Variants in SOX5 observed in about 807,000 individuals in gnomAD.
SOX5 encodes the protein SRY-box transcription factor 5.
Under a neutral mutation model 92.0 loss-of-function variants are expected in SOX5, and 9 were observed. The observed-to-expected ratio is 0.10, with a 90% CI of 0.06 to 0.17. The LOEUF (loss-of-function observed/expected upper bound fraction) is 0.17, where lower values mean the gene tolerates loss of function less well. Among genes scored for constraint, SOX5 ranks in the 10% least tolerant of loss-of-function variants. The probability of loss-of-function intolerance (pLI) is 1.00; values close to 1 mark genes in which losing one functional copy is unlikely to be tolerated. For synonymous variants in SOX5, 344 were observed against 336.3 expected (o/e 1.02, Z -0.25); for missense variants, 642 against 944.5 (o/e 0.68, Z 4.20).
intron 3 of SOX5, among the ~76,000 whole-genome samples, chr12:23,799,878 T>C (rs997946283): frequency 6.6e-6 from 1 of 152,048 alleles, no homozygotes; most frequent in Admixed American, 6.6e-5. Context: ...TGTGAAGATT[T>C]AGAGTTAGAC....
At chr12:23,777,493 T>C (rs2095141232) in intron 3 of SOX5, among the ~76,000 whole-genome samples, 1 of 152,188 alleles carries the variant, frequency 6.6e-6, no homozygotes, top group South Asian at 2.1e-4. Flanking sequence ...TTCAGACTCT[T>C]TTTGGGTACA....
chr12:23,921,747 T>TA (rs1315346108), intron 1 of SOX5, among the ~76,000 whole-genome samples: 1 of 152,198 alleles, frequency 6.6e-6, no homozygotes, highest in Non-Finnish European at 1.5e-5. Context: ...CCAGCCTTCT[T>TA]ACAATCTTAC....
At chr12:24,380,235 G>T (rs1196084942) in intron 1 of SOX5, among the ~76,000 whole-genome samples, 1 of 152,172 alleles carries the variant, frequency 6.6e-6, no homozygotes, top group Non-Finnish European at 1.5e-5. Context: ...CTATCTATCC[G>T]CCCAAAGTTG....
intron 3 of SOX5, among the ~76,000 whole-genome samples, chr12:24,228,816 C>T (rs1036676158): frequency 2.0e-5 from 3 of 152,192 alleles, no homozygotes; most frequent in Admixed American, 1.3e-4. Context: ...GTGTGTGCGG[C>T]ACTGGCTGCT....
At chr12:24,293,002 T>C (rs942887220) in intron 2 of SOX5, among the ~76,000 whole-genome samples, 2 of 152,274 alleles carry the variant, frequency 1.3e-5, no homozygotes, top group South Asian at 2.1e-4. Context: ...AACATATCCA[T>C]AGTGACTATA....
intron 3 of SOX5, among the ~76,000 whole-genome samples, chr12:24,265,709 A>T (rs1479881009): frequency 5.3e-5 from 8 of 152,224 alleles, no homozygotes; most frequent in African/African-American, 1.9e-4. Context: ...ATAATCCTAT[A>T]TAGTGTAGGT....
At chr12:24,104,646 TTCCCA>T (rs1380010328) in intron 4 of SOX5, among the ~76,000 whole-genome samples, 37 of 152,314 alleles carry the variant, frequency 2.4e-4, no homozygotes, top group African/African-American at 8.4e-4. Flanking sequence ...CTATTCTGCT[TTCCCA>T]TCAGTACATG....
chr12:23,993,961 A>G (rs1375560768), intron 4 of SOX5, among the ~76,000 whole-genome samples: 3 of 151,930 alleles, frequency 2.0e-5, no homozygotes, highest in African/African-American at 7.3e-5. Flanking sequence ...ACATAAATAA[A>G]TAAATAGCTG....
chr12:23,926,166 C>T (rs773478257), intron 1 of SOX5, among the ~76,000 whole-genome samples: 1 of 152,028 alleles, frequency 6.6e-6, no homozygotes, highest in Non-Finnish European at 1.5e-5. Flanking sequence ...AGATGTACTC[C>T]TCACATTTTT....
chr12:23,903,468 G>A (rs530377200), intron 1 of SOX5, among the ~76,000 whole-genome samples: 53 of 152,246 alleles, frequency 3.5e-4, no homozygotes, highest in Non-Finnish European at 5.3e-4. Context: ...CCTGTAGTGC[G>A]AGCAACTCAG....
At chr12:23,712,581 G>T (rs1317669822) in intron 6 of SOX5, among the ~76,000 whole-genome samples, 1 of 152,154 alleles carries the variant, frequency 6.6e-6, no homozygotes, top group Non-Finnish European at 1.5e-5. Flanking sequence ...TACAAATGAA[G>T]AAAGTAGACC....
intron 1 of SOX5, among the ~76,000 whole-genome samples, chr12:24,437,066 T>G (rs763264557): frequency 2.0e-5 from 3 of 152,198 alleles, no homozygotes; most frequent in Non-Finnish European, 2.9e-5. Flanking sequence ...ACAATGCACT[T>G]GGTCACCCAA....
At chr12:24,024,791 T>C (rs2136737307) in intron 4 of SOX5, among the ~76,000 whole-genome samples, 1 of 152,120 alleles carries the variant, frequency 6.6e-6, no homozygotes, top group Admixed American at 6.6e-5. Context: ...TAACTCTGAG[T>C]ACTCAGAATT....
chr12:23,951,776 C>CA (rs1395665865), upstream of SOX5, among the ~76,000 whole-genome samples: 1 of 151,948 alleles, frequency 6.6e-6, no homozygotes, highest in South Asian at 2.1e-4. Flanking sequence ...AGGGATGTGG[C>CA]AAAAATGACT....
intron 9 of SOX5, among the ~76,000 whole-genome samples, chr12:23,577,829 A>G (rs1351695801): frequency 1.3e-5 from 2 of 151,878 alleles, no homozygotes; most frequent in Non-Finnish European, 2.9e-5. Flanking sequence ...TTTAAAAACT[A>G]TAGGGGCAAT....
chr12:23,891,546 C>G (rs776124475), intron 2 of SOX5, among the ~76,000 whole-genome samples: 9 of 152,160 alleles, frequency 5.9e-5, no homozygotes, highest in Middle Eastern at 3.2e-3. Flanking sequence ...CAGCATCTCT[C>G]TTCTTTATTT....
chr12:23,571,247 G>A (rs970411964), intron 10 of SOX5, among the ~76,000 whole-genome samples: 1 of 151,760 alleles, frequency 6.6e-6, no homozygotes, highest in African/African-American at 2.4e-5. Flanking sequence ...GTCTTAACCT[G>A]GCATGTTGTA....
intron 4 of SOX5, among the ~76,000 whole-genome samples, chr12:24,046,923 G>A (rs752172829): frequency 2.6e-5 from 4 of 151,860 alleles, no homozygotes; most frequent in Non-Finnish European, 5.9e-5. Flanking sequence ...CTGACCTCAC[G>A]TGATCCACCT....
At chr12:23,608,112 AAAG>A (rs2075481706) in intron 8 of SOX5, among the ~76,000 whole-genome samples, 1 of 146,656 alleles carries the variant, frequency 6.8e-6, no homozygotes, top group African/African-American at 2.6e-5. Context: ...TCAAAAGAAA[AAAG>A]AAAAAAAAAA....
Sources: allele counts gnomAD v4.1 joint callset (sites outside exome capture counted in the v4.1 genomes callset), GRCh38; gene constraint gnomAD v4.1.1; transcripts MANE v1.5; gene names NCBI Gene and HGNC (gene_info 2026-07-23, HGNC 2026-07-21).